Variants in CCDC7 observed in about 807,000 individuals in gnomAD.
CCDC7 encodes the protein coiled-coil domain containing 7, also known as coiled-coil domain-containing protein 7.
Under a neutral mutation model 196.9 loss-of-function variants are expected in CCDC7, and 183 were observed. The observed-to-expected ratio is 0.93, with a 90% CI of 0.82 to 1.05. CCDC7 has a LOEUF of 1.05. Ranked by LOEUF, CCDC7 falls within the 50% of genes least tolerant of loss-of-function variation. CCDC7 has a pLI of 0.00. For synonymous variants in CCDC7, 525 were observed against 484.6 expected, an observed-to-expected ratio of 1.08 and a Z score of -1.10; for missense variants, 1,540 against 1,482.2, an observed-to-expected ratio of 1.04 and a Z score of -0.64.
chr10:32,541,745 C>T (rs917567782), intron 11 of CCDC7, among the ~76,000 whole-genome samples: 2 of 152,216 alleles, frequency 1.3e-5, no homozygotes, highest in Non-Finnish European at 2.9e-5. Context: ...CAAAATGTCC[C>T]AGTGGCTCCT....
At chr10:32,474,156 G>A (rs769472935) in intron 8 of CCDC7, 133 bp downstream of exon 9, 4 of 567,324 alleles carry the variant, frequency 7.1e-6, no homozygotes, top group Non-Finnish European at 7.6e-6. Context: ...TGAGCTGGTT[G>A]TCAAGCAAGT....
intron 11 of CCDC7, among the ~76,000 whole-genome samples, chr10:32,525,129 A>C (rs1479706337): frequency 5.3e-5 from 8 of 151,502 alleles, no homozygotes; most frequent in Admixed American, 4.6e-4. Flanking sequence ...ATAGCATTGG[A>C]CAAATACCTA....
rs2090830424 is a variant in CCDC7 at position 32,824,607 on chromosome 10, A to G, written c.3268+3A>G. ...GTTAAAGAGAAAGAGTTACCCTGGT[A>G]AGAATAAGAATTTTTAAAATCTACT... is the stretch of plus-strand genomic sequence containing the variant. On this transcript the variant is annotated splice_donor_region_variant and intron_variant, in intron 32 of 41. Transcript: ENST00000639629. The G allele has an allele frequency of 6.3e-7, 1 of 1,594,026 alleles. No individual in the cohort carries two copies. Among genetic ancestry groups the G allele is most frequent in the African/African-American group, 1.3e-5 (1 of 74,252 alleles).
intron 9 of CCDC7, among the ~76,000 whole-genome samples, chr10:32,510,416 G>T (rs1050014886): frequency 2.0e-5 from 3 of 152,070 alleles, no homozygotes; most frequent in Non-Finnish European, 4.4e-5. Flanking sequence ...TTTCTAAGAG[G>T]GTAGGTGTTT....
At position 32,726,882 on chromosome 10, in the gene CCDC7, A is replaced by T. The variant is rs766099181; in HGVS notation, c.2668+50A>T. ...TTTAAATTATTTTAAAATTAAACTTATCAGAAGATCTTTGCCTTTGATTCC... is the reference window on the plus strand; with the variant it reads ...TTTAAATTATTTTAAAATTAAACTTTTCAGAAGATCTTTGCCTTTGATTCC... On this transcript the variant is annotated intron_variant, in intron 26 of 41. Coordinates refer to ENST00000639629, the Ensembl canonical transcript of CCDC7. 8 of 1,103,618 alleles carry T rather than the reference A, an allele frequency of 7.2e-6. No individual in the cohort carries two copies. In the East Asian group the frequency reaches 1.3e-4, roughly 18 times the overall value. 68.4% of individuals were successfully genotyped at this position (1,103,618 alleles called of 1,614,324 possible). A position where few individuals can be genotyped will look rare whatever the true frequency, so the allele number is the denominator to read the frequency against.
intron 33 of CCDC7, among the ~76,000 whole-genome samples, chr10:32,843,806 AT>A (rs1310512315): frequency 6.6e-6 from 1 of 151,786 alleles, no homozygotes; most frequent in Non-Finnish European, 1.5e-5. Context: ...CATATTCCCT[AT>A]TTTTATGTTT....
At chr10:32,845,821 AG>A in intron 35 of CCDC7, 54 bp from the exon 37 acceptor site, 1 of 1,332,556 alleles carries the variant, frequency 7.5e-7, no homozygotes, top group South Asian at 1.2e-5. Flanking sequence ...ATACACACAG[AG>A]GTATGGTAAT....
chr10:32,844,850 T>C (rs2093186076), intron 33 of CCDC7, among the ~76,000 whole-genome samples: 1 of 151,776 alleles, frequency 6.6e-6, no homozygotes, highest in Admixed American at 6.6e-5. Context: ...TCTTCTACTA[T>C]AATAATAAAA....
At chr10:32,490,515 G>T (rs913682728) in intron 8 of CCDC7, among the ~76,000 whole-genome samples, 1 of 151,998 alleles carries the variant, frequency 6.6e-6, no homozygotes, top group African/African-American at 2.4e-5. Flanking sequence ...GTTTTATTTT[G>T]GCTGGGTGCA....
intron 18 of CCDC7, among the ~76,000 whole-genome samples, chr10:32,609,739 T>C (rs539224608): frequency 4.3e-4 from 66 of 152,280 alleles, no homozygotes; most frequent in African/African-American, 1.4e-3. Context: ...CTCTTAGTAC[T>C]GTCCTTGTGA....
intron 18 of CCDC7, among the ~76,000 whole-genome samples, chr10:32,615,723 G>A (rs1314612978): frequency 6.6e-6 from 1 of 151,884 alleles, no homozygotes; most frequent in East Asian, 1.9e-4. Flanking sequence ...TTTGCTTTGA[G>A]GACTTGTTCA....
At chr10:32,682,304 C>A (rs1330373324) in intron 21 of CCDC7, among the ~76,000 whole-genome samples, 1 of 152,142 alleles carries the variant, frequency 6.6e-6, no homozygotes, top group Admixed American at 6.5e-5. Context: ...GTGTTAATGT[C>A]CTTAGGATAA....
In CCDC7 at chr10:32,571,006, C is replaced by CTTT. The variant is rs376971167; in HGVS notation, c.1420-838_1420-836dup. On this transcript the variant is annotated intron_variant, in intron 15 of 41. Coordinates refer to ENST00000639629, the Ensembl canonical transcript of CCDC7. ...AAATCACACTTTTAAGGTCACTGGC[C>CTTT]TTTTTTTTTTTTTTTTTGAGAGAGA... 4.1e-3 allele frequency among the ~76,000 whole-genome samples: 542 copies of CTTT among 131,326 alleles called. 21 individuals carry two copies. The highest frequency in any genetic ancestry group is 0.01 in the South Asian group (42 of 4,136). The allele number at this position is 131,326 out of a possible 152,430, so 86.2% of individuals were successfully genotyped here.
chr10:32,549,524 T>G (rs973277216), intron 13 of CCDC7, among the ~76,000 whole-genome samples: 1 of 152,206 alleles, frequency 6.6e-6, no homozygotes, highest in Non-Finnish European at 1.5e-5. Flanking sequence ...CAATGTTATC[T>G]TCTAGAATTT....
chr10:32,588,295 A>G (rs562293960), intron 18 of CCDC7, among the ~76,000 whole-genome samples: 130 of 152,348 alleles, frequency 8.5e-4, no homozygotes, highest in Non-Finnish European at 1.5e-3. Flanking sequence ...GTTTTTATAA[A>G]TGTACTTTAT....
At chr10:32,443,440 A>G (rs143739815), upstream of CCDC7, among the ~76,000 whole-genome samples, 5 of 139,978 alleles carry the variant, frequency 3.6e-5, no homozygotes, top group African/African-American at 1.4e-4. Flanking sequence ...GATAATATGT[A>G]TGGTATGTGT....
At chr10:32,493,025 G>A (rs57800293) in intron 9 of CCDC7, among the ~76,000 whole-genome samples, 20,380 of 151,574 alleles carry the variant, frequency 0.13, 1,622 homozygotes, top group African/African-American at 0.23. Flanking sequence ...TTGTGGAATC[G>A]CTAAATCAAG....
In CCDC7 at chr10:32,719,343, C is replaced by T. The variant is rs182671251; in HGVS notation, c.2570-7391C>T. Among the ~76,000 whole-genome samples, 1,146 of 152,138 alleles carry T rather than the reference C, an allele frequency of 7.5e-3. 22 individuals are homozygous for T. The highest frequency in any genetic ancestry group is 0.025 in the African/African-American group (1,057 of 41,506). Reference sequence around the variant, plus strand: ...CCATATGTAGAAAACTGAAACTGGACCCCTTCCTTACATCTTATACAAACA... The same window carrying T: ...CCATATGTAGAAAACTGAAACTGGATCCCTTCCTTACATCTTATACAAACA... On this transcript the variant is annotated intron_variant, in intron 25 of 41. Coordinates refer to ENST00000639629, the Ensembl canonical transcript of CCDC7.
At chr10:32,536,138 T>C (rs1296359316) in intron 11 of CCDC7, among the ~76,000 whole-genome samples, 2 of 150,130 alleles carry the variant, frequency 1.3e-5, no homozygotes, top group African/African-American at 4.8e-5. Flanking sequence ...TTGCTGCACA[T>C]GTATCTAACT....
Sources: gnomAD v4.1 joint callset for allele counts (sites outside exome capture counted in the v4.1 genomes callset) on GRCh38, gnomAD v4.1.1 for gene constraint, MANE v1.5 for transcripts, NCBI Gene and HGNC (gene_info 2026-07-23, HGNC 2026-07-21) for gene names.